Variants in NXN observed in about 807,000 individuals in gnomAD.
NXN encodes the protein nucleoredoxin 1.
A neutral mutation model predicts 48.6 loss-of-function variants in NXN; 16 were observed. That is an observed-to-expected ratio of 0.33 (90% CI 0.22 to 0.50). The LOEUF (loss-of-function observed/expected upper bound fraction) is 0.50. Among genes scored for constraint, NXN ranks in the 20% least tolerant of loss-of-function variants. NXN has a pLI of 0.98. For missense variants in NXN, 492 were observed against 605.5 expected (o/e 0.81, Z 1.97); for synonymous variants, 281 against 269.6 (o/e 1.04, Z -0.41).
chr17:828,077 A>G (rs1448002567), intron 1 of NXN, among the ~76,000 whole-genome samples: 1 of 152,050 alleles, frequency 6.6e-6, no homozygotes, highest in African/African-American at 2.4e-5. Context: ...CCTCACAACA[A>G]GAACAATCCT....
intron 5 of NXN, among the ~76,000 whole-genome samples, chr17:809,879 G>C (rs1911816421): frequency 6.6e-6 from 1 of 151,242 alleles, no homozygotes; most frequent in African/African-American, 2.4e-5. Flanking sequence ...CAGTGTGAGT[G>C]GCGTGTACGT....
rs555296024 is a variant in NXN at position 802,542 on chromosome 17, C to G, written c.1125+1140G>C. On this transcript the variant is annotated intron_variant, in intron 7 of 7. Coordinates refer to ENST00000336868, the MANE Select transcript of NXN (RefSeq NM_022463.5). Reference sequence around the variant, plus strand: ...GACACCTCTCAAGGCCGCCCCCGCCCGTGCCCGGCCCCTGCTGTGCTGCAG... The same window carrying G: ...GACACCTCTCAAGGCCGCCCCCGCCGGTGCCCGGCCCCTGCTGTGCTGCAG... Among the ~76,000 whole-genome samples the G allele has an allele frequency of 5.1e-3, 778 of 152,336 alleles. 8 individuals are homozygous for G. Among genetic ancestry groups the G allele is most frequent in the African/African-American group, 0.014 (563 of 41,586 alleles).
At chr17:895,760 G>A (rs915536965) in intron 1 of NXN, among the ~76,000 whole-genome samples, 3 of 135,250 alleles carry the variant, frequency 2.2e-5, no homozygotes, top group Non-Finnish European at 5.0e-5. Context: ...GGAGCTTGCA[G>A]TGAGCCGAGA....
chr17:908,388 T>A (rs560555855), intron 1 of NXN, among the ~76,000 whole-genome samples: 2 of 151,560 alleles, frequency 1.3e-5, no homozygotes, highest in African/African-American at 4.8e-5. Context: ...ATACAGAAAT[T>A]AGCCAGGCAT....
At chr17:869,847 C>G (rs909427966) in intron 1 of NXN, among the ~76,000 whole-genome samples, 1 of 152,242 alleles carries the variant, frequency 6.6e-6, no homozygotes, top group African/African-American at 2.4e-5. Context: ...AGTTCTTTGC[C>G]TCTGATCTCG....
At chr17:878,875 C>A (rs960838862) in intron 1 of NXN, among the ~76,000 whole-genome samples, 1 of 152,000 alleles carries the variant, frequency 6.6e-6, no homozygotes, top group Non-Finnish European at 1.5e-5. Context: ...TGAAAGAATG[C>A]GTAGACAGGC....
intron 1 of NXN, among the ~76,000 whole-genome samples, chr17:903,581 C>T (rs2068556487): frequency 6.6e-6 from 1 of 152,016 alleles, no homozygotes. Context: ...CGGTGTTTTG[C>T]CTTGTTGCAC....
At chr17:814,203 G>A (rs1175291516) in intron 5 of NXN, among the ~76,000 whole-genome samples, 10 of 148,414 alleles carry the variant, frequency 6.7e-5, no homozygotes, top group Non-Finnish European at 1.3e-4. Flanking sequence ...CAGATGTAGT[G>A]AGCAGAGATT....
At chr17:819,161 G>A (rs1019655551) in intron 5 of NXN, 1 of 429,154 alleles carries the variant, frequency 2.3e-6, no homozygotes, top group Non-Finnish European at 4.4e-6. Context: ...TGTCCAAACT[G>A]GTCTCGAACT....
chr17:812,390 C>G (rs1912114004), intron 5 of NXN, among the ~76,000 whole-genome samples: 1 of 152,202 alleles, frequency 6.6e-6, no homozygotes, highest in Admixed American at 6.5e-5. Context: ...CCTGGCACTG[C>G]TCTGTGAAGG....
At chr17:836,503 A>G (rs1913833264) in intron 1 of NXN, among the ~76,000 whole-genome samples, 1 of 152,102 alleles carries the variant, frequency 6.6e-6, no homozygotes, top group Non-Finnish European at 1.5e-5. Flanking sequence ...CCAAATGACC[A>G]AACACCATGA....
chr17:967,276 T>G (rs1217386819), intron 1 of NXN, among the ~76,000 whole-genome samples: 1 of 151,796 alleles, frequency 6.6e-6, no homozygotes, highest in Non-Finnish European at 1.5e-5. Flanking sequence ...CTGCTGGGAG[T>G]CTGGGAGGAC....
chr17:972,830 G>C (rs1449987976), intron 1 of NXN, among the ~76,000 whole-genome samples: 1 of 152,180 alleles, frequency 6.6e-6, no homozygotes, highest in Non-Finnish European at 1.5e-5. Flanking sequence ...AGGAGATCGA[G>C]ACCATCATGG....
At chr17:855,389 G>C (rs1311619403) in intron 1 of NXN, among the ~76,000 whole-genome samples, 1 of 152,138 alleles carries the variant, frequency 6.6e-6, no homozygotes, top group African/African-American at 2.4e-5. Flanking sequence ...CTTTGCTCAG[G>C]GTTACAAGCA....
chr17:973,556 C>A (rs975095406), intron 1 of NXN, among the ~76,000 whole-genome samples: 8 of 152,186 alleles, frequency 5.3e-5, no homozygotes, highest in Non-Finnish European at 1.0e-4. Context: ...GCGTCATTGG[C>A]AGATAGAAAT....
At chr17:877,024 G>A (rs569821226) in intron 1 of NXN, among the ~76,000 whole-genome samples, 6 of 151,190 alleles carry the variant, frequency 4.0e-5, no homozygotes, top group African/African-American at 1.2e-4. Context: ...AGGTTGCAGT[G>A]AGCTGAGATT....
At chr17:904,663 T>C (rs618847) in intron 1 of NXN, among the ~76,000 whole-genome samples, 72,906 of 151,872 alleles carry the variant, frequency 0.48, 18,948 homozygotes, top group African/African-American at 0.66. Context: ...CCTGCCTCAG[T>C]CTCCTGAGTA....
intron 1 of NXN, among the ~76,000 whole-genome samples, chr17:871,692 C>T (rs192822746): frequency 5.3e-5 from 8 of 152,224 alleles, no homozygotes; most frequent in East Asian, 3.9e-4. Flanking sequence ...CATGAGCCAC[C>T]GCGCCCAGCT....
Position 822,437 on chromosome 17 carries a change from G to A in NXN, c.633C>T (p.Leu211=), listed in dbSNP as rs1241563133. The A allele has an allele frequency of 3.1e-6, 5 of 1,614,056 alleles. No individual in the cohort carries two copies. The highest frequency in any genetic ancestry group is 3.3e-5 in the Admixed American group (2 of 60,010). Reference sequence around the variant, plus strand: ...GGTAGGATTCCACCAGGACCCGGGTGAGGCTTCGGCAGGGCGGACACTGAA... The same window carrying A: ...GGTAGGATTCCACCAGGACCCGGGTAAGGCTTCGGCAGGGCGGACACTGAA... ...SAHWCPPCRS[L]TRVLVESYRK... Residue 211 remains leucine (L), a synonymous_variant, in exon 4 of 8, where the codon CTC becomes CTT. Transcript: ENST00000336868.
Sources: gnomAD v4.1 joint callset for allele counts (sites outside exome capture counted in the v4.1 genomes callset) on GRCh38, gnomAD v4.1.1 for gene constraint, MANE v1.5 for transcripts, NCBI Gene and HGNC (gene_info 2026-07-23, HGNC 2026-07-21) for gene names.